The following SGCZ variants were observed in gnomAD, a reference collection of about 807,000 sequenced individuals.
SGCZ encodes the protein zeta-sarcoglycan.
In SGCZ, 40 loss-of-function variants were observed where a neutral mutation model predicts 41.3. The observed-to-expected ratio is 0.97, with a 90% CI of 0.75 to 1.26. The LOEUF (loss-of-function observed/expected upper bound fraction) is 1.26, where lower values mean the gene tolerates loss of function less well. Among genes scored for constraint, SGCZ ranks in the 50% most tolerant of loss-of-function variants. The pLI, the probability that SGCZ is intolerant of heterozygous loss-of-function variation, is 0.00. For synonymous variants in SGCZ, 206 were observed against 137.5 expected (o/e 1.50, Z -3.49); for missense variants, 552 against 369.8 (o/e 1.49, Z -4.04).
At chr8:14,235,347 GC>G (rs1397627431) in intron 4 of SGCZ, among the ~76,000 whole-genome samples, 2 of 152,162 alleles carry the variant, frequency 1.3e-5, no homozygotes, top group African/African-American at 4.8e-5. Flanking sequence ...TTAAGTGTAA[GC>G]CTCAGTAGAA....
chr8:14,927,255 T>C (rs935128268), intron 1 of SGCZ, among the ~76,000 whole-genome samples: 2 of 151,776 alleles, frequency 1.3e-5, no homozygotes, highest in Non-Finnish European at 2.9e-5. Flanking sequence ...ACTACAGGCG[T>C]CCGCCACCAC....
At chr8:14,917,255 A>C (rs1365195915) in intron 1 of SGCZ, among the ~76,000 whole-genome samples, 1 of 152,118 alleles carries the variant, frequency 6.6e-6, no homozygotes, top group African/African-American at 2.4e-5. Context: ...ATGGACAATA[A>C]TAATGTAATA....
At chr8:14,631,071 T>C (rs536532819) in intron 1 of SGCZ, among the ~76,000 whole-genome samples, 86 of 152,124 alleles carry the variant, frequency 5.7e-4, no homozygotes, top group Middle Eastern at 6.8e-3. Flanking sequence ...AGAAAGGTGA[T>C]TTCCATGCCC....
rs145351852 is a variant in SGCZ, at chr8:15,048,294, A to G, written c.39+189291T>C. ...CTAGATAAGTGGATCCCATGAAGGT[A>G]CAAAGTAGATGATGGTTACCAGAGG... On this transcript the variant is annotated intron_variant, in intron 1 of 7. Transcript: ENST00000382080. 8.1e-4 allele frequency among the ~76,000 whole-genome samples: 124 copies of G among 152,160 alleles called. 3 individuals carry two copies. In the East Asian group the frequency reaches 0.02, roughly 25 times the overall value.
At chr8:14,592,753 G>A (rs1370985547) in intron 1 of SGCZ, among the ~76,000 whole-genome samples, 1 of 152,110 alleles carries the variant, frequency 6.6e-6, no homozygotes, top group Admixed American at 6.6e-5. Context: ...TTACTGAGTG[G>A]TTATTAGTGG....
chr8:14,127,769 T>G (rs1802911476), intron 5 of SGCZ, among the ~76,000 whole-genome samples: 1 of 152,148 alleles, frequency 6.6e-6, no homozygotes, highest in African/African-American at 2.4e-5. Flanking sequence ...TTTAGAATTT[T>G]TTAACTTTTA....
chr8:15,023,140 A>T (rs1326133120), intron 1 of SGCZ, among the ~76,000 whole-genome samples: 1 of 152,196 alleles, frequency 6.6e-6, no homozygotes, highest in African/African-American at 2.4e-5. Context: ...GAGCTGGAAA[A>T]TCAGATAATC....
chr8:14,995,099 C>T (rs1238507353), intron 1 of SGCZ, among the ~76,000 whole-genome samples: 1 of 152,252 alleles, frequency 6.6e-6, no homozygotes, highest in Non-Finnish European at 1.5e-5. Context: ...AGGAGAAATG[C>T]TTGCAGAAGT....
At chr8:15,222,406 C>T (rs1297908496) in intron 1 of SGCZ, among the ~76,000 whole-genome samples, 1 of 151,952 alleles carries the variant, frequency 6.6e-6, no homozygotes, top group Non-Finnish European at 1.5e-5. Context: ...CTGGGAGGCA[C>T]TTCCAGTTTT....
chr8:15,023,174 A>T (rs189869579), intron 1 of SGCZ, among the ~76,000 whole-genome samples: 19 of 152,312 alleles, frequency 1.2e-4, no homozygotes, highest in African/African-American at 4.6e-4. Context: ...ATTGAACATG[A>T]AACAGATTAA....
chr8:14,581,319 C>T (rs1804880859), intron 1 of SGCZ, among the ~76,000 whole-genome samples: 1 of 152,110 alleles, frequency 6.6e-6, no homozygotes, highest in African/African-American at 2.4e-5. Context: ...GTTAGCCAGG[C>T]TGGTCTCGAC....
Position 14,814,574 on chromosome 8 carries a change from T to C in SGCZ, c.40-259648A>G, listed in dbSNP as rs76529817. 8.4e-3 allele frequency among the ~76,000 whole-genome samples: 1,273 copies of C among 152,296 alleles called. 16 individuals are homozygous for C. Among genetic ancestry groups the C allele is most frequent in the African/African-American group, 0.029 (1,211 of 41,564 alleles). ...ATAGCCAAAGAAATAATTGACCTTC[T>C]ATCTATCTTGTTATTTGGCCCTACT... On this transcript the variant is annotated intron_variant, in intron 1 of 7. Coordinates refer to ENST00000382080, the MANE Select transcript of SGCZ (RefSeq NM_139167.4).
At chr8:14,576,450 T>G (rs921449278) in intron 1 of SGCZ, among the ~76,000 whole-genome samples, 2 of 152,146 alleles carry the variant, frequency 1.3e-5, no homozygotes, top group Non-Finnish European at 2.9e-5. Flanking sequence ...TAATATGTAG[T>G]AGTGGTAAGA....
At chr8:14,481,255 C>T (rs1184667349) in intron 2 of SGCZ, among the ~76,000 whole-genome samples, 1 of 152,108 alleles carries the variant, frequency 6.6e-6, no homozygotes, top group African/African-American at 2.4e-5. Context: ...TGACATTTTA[C>T]ACTAGCCAGT....
At chr8:14,256,459 C>A (rs754639988) in intron 3 of SGCZ, among the ~76,000 whole-genome samples, 44 of 152,112 alleles carry the variant, frequency 2.9e-4, no homozygotes, top group South Asian at 1.0e-3. Context: ...AACATTTCAG[C>A]TCCTTCAGAA....
At chr8:15,145,062 C>A (rs764377187) in intron 1 of SGCZ, among the ~76,000 whole-genome samples, 5 of 152,162 alleles carry the variant, frequency 3.3e-5, no homozygotes, top group Non-Finnish European at 7.3e-5. Context: ...TTTACTTCAT[C>A]TTTAAATGAT....
At chr8:14,460,031 G>C (rs1211049874) in intron 2 of SGCZ, among the ~76,000 whole-genome samples, 2 of 152,082 alleles carry the variant, frequency 1.3e-5, no homozygotes, top group Non-Finnish European at 2.9e-5. Context: ...AGTGGGTTAA[G>C]TGAAATTCAA....
chr8:14,831,852 A>G (rs976735298), intron 1 of SGCZ, among the ~76,000 whole-genome samples: 1 of 152,182 alleles, frequency 6.6e-6, no homozygotes, highest in Non-Finnish European at 1.5e-5. Flanking sequence ...ATACATGTAT[A>G]TAAGTATGTA....
intron 1 of SGCZ, among the ~76,000 whole-genome samples, chr8:15,227,835 G>A (rs1422755930): frequency 1.3e-5 from 2 of 152,134 alleles, no homozygotes; most frequent in African/African-American, 4.8e-5. Flanking sequence ...ACATCAGAAA[G>A]CTGAGACTGA....
Sources: allele counts gnomAD v4.1 joint callset (sites outside exome capture counted in the v4.1 genomes callset), GRCh38; gene constraint gnomAD v4.1.1; transcripts MANE v1.5; gene names NCBI Gene and HGNC (gene_info 2026-07-23, HGNC 2026-07-21).